GNG7: variants seen among roughly 807,000 people sequenced by gnomAD.
GNG7 encodes G protein subunit gamma 7.
A neutral mutation model predicts 4.0 loss-of-function variants in GNG7; 1 was observed. That is an observed-to-expected ratio of 0.25 (90% CI 0.09 to 1.18). The LOEUF (loss-of-function observed/expected upper bound fraction) is 1.18, where lower values mean the gene tolerates loss of function less well. Among genes scored for constraint, GNG7 ranks in the 50% most tolerant of loss-of-function variants. The probability of loss-of-function intolerance (pLI) is 0.50; values close to 1 mark genes in which losing one functional copy is unlikely to be tolerated. For synonymous variants in GNG7, 34 were observed against 36.9 expected, an observed-to-expected ratio of 0.92 and a Z score of 0.29; for missense variants, 86 against 91.9, an observed-to-expected ratio of 0.94 and a Z score of 0.26.
intron 1 of GNG7, among the ~76,000 whole-genome samples, chr19:2,682,161 G>A (rs1377088554): frequency 1.3e-5 from 2 of 151,160 alleles, no homozygotes; most frequent in Admixed American, 6.6e-5. Flanking sequence ...CACCCACCTT[G>A]GCCTCCCAAA....
rs1040763426 is a variant in GNG7 at position 2,653,686 on chromosome 19, G to T, written c.-134-7406C>A. On this transcript the variant is annotated intron_variant, in intron 1 of 4. Coordinates refer to ENST00000382159, the MANE Select transcript of GNG7 (RefSeq NM_052847.3). This position sits in a 1 kb window ranked among gnomAD's most constrained non-coding sequence, Gnocchi z 4.8. ...CCTGGCCTCCACCCACCCCATGCCA[G>T]GGGCATCCCCCATCTAGAGCTGTTC... 6.6e-5 allele frequency among the ~76,000 whole-genome samples: 10 copies of T among 152,176 alleles called. No individual in the cohort carries two copies. Among genetic ancestry groups the T allele is most frequent in the African/African-American group, 2.4e-4 (10 of 41,450 alleles).
intron 1 of GNG7, among the ~76,000 whole-genome samples, chr19:2,668,546 G>C (rs1040062450): frequency 6.6e-6 from 1 of 152,130 alleles, no homozygotes; most frequent in Non-Finnish European, 1.5e-5. Context: ...GGGAGCCCCC[G>C]GAACACCCGA....
At chr19:2,680,961 GGT>G (rs1491361387) in intron 1 of GNG7, among the ~76,000 whole-genome samples, 3 of 151,820 alleles carry the variant, frequency 2.0e-5, no homozygotes, top group African/African-American at 4.8e-5. Context: ...TTGTTGTTCT[GGT>G]TTTTTAATTC....
chr19:2,540,387 G>A (rs1371612055), intron 3 of GNG7, among the ~76,000 whole-genome samples: 1 of 151,970 alleles, frequency 6.6e-6, no homozygotes, highest in Non-Finnish European at 1.5e-5. Flanking sequence ...CCTGGCCTCC[G>A]GTGATCCTCC....
chr19:2,696,367 A>AGAAAG (rs1251172643), intron 1 of GNG7, among the ~76,000 whole-genome samples: 4 of 151,694 alleles, frequency 2.6e-5, no homozygotes, highest in African/African-American at 7.3e-5. Context: ...AAAGAAAGAA[A>AGAAAG]GAAAGGAAAG....
chr19:2,662,170 G>C (rs1296682681), intron 1 of GNG7, among the ~76,000 whole-genome samples: 1 of 147,844 alleles, frequency 6.8e-6, no homozygotes, highest in Non-Finnish European at 1.5e-5. Flanking sequence ...TGAGGCAGGA[G>C]AATCACTTGA....
chr19:2,602,849 G>A (rs1248748501), intron 2 of GNG7, among the ~76,000 whole-genome samples: 2 of 152,030 alleles, frequency 1.3e-5, no homozygotes, highest in Non-Finnish European at 2.9e-5. Context: ...GCTCTGCAAG[G>A]AAAGATGCGC....
At chr19:2,562,370 G>C (rs555452145) in intron 2 of GNG7, among the ~76,000 whole-genome samples, 1 of 151,016 alleles carries the variant, frequency 6.6e-6, no homozygotes, top group African/African-American at 2.4e-5. Flanking sequence ...TGCAACCTCC[G>C]CCTCCCAGGT....
rs748111375 is a variant in GNG7, at chr19:2,511,974, C to T, written c.*3048G>A. On this transcript the variant is annotated 3_prime_UTR_variant, in exon 5 of 5. Transcript: ENST00000382159. The surrounding 1 kb of genome is among the most constrained non-coding windows in gnomAD (Gnocchi z 6.3). ...GGGTCGGGGCCTGGCCCGCTGTGGCCCTTCACCTGGCTACTGGTGTCTCGC... is the reference window on the plus strand; with the variant it reads ...GGGTCGGGGCCTGGCCCGCTGTGGCTCTTCACCTGGCTACTGGTGTCTCGC... 4.1e-6 allele frequency: 4 copies of T among 985,748 alleles called. No individual in the cohort carries two copies. The highest frequency in any genetic ancestry group is 4.8e-6 in the Non-Finnish European group (4 of 829,966). 61.1% of individuals were successfully genotyped at this position (985,748 alleles called of 1,614,324 possible). A position where few individuals can be genotyped will look rare whatever the true frequency, so the allele number is the denominator to read the frequency against.
At chr19:2,681,179 A>G (rs1182822027) in intron 1 of GNG7, among the ~76,000 whole-genome samples, 1 of 150,106 alleles carries the variant, frequency 6.7e-6, no homozygotes, top group Non-Finnish European at 1.5e-5. Flanking sequence ...GTAGCAACCA[A>G]CTTTTTTTAT....
chr19:2,530,026 T>C (rs1389165870), intron 3 of GNG7, among the ~76,000 whole-genome samples: 1 of 152,200 alleles, frequency 6.6e-6, no homozygotes, highest in African/African-American at 2.4e-5. Flanking sequence ...GACTTGGACT[T>C]TGGGTTAAAA....
intron 1 of GNG7, among the ~76,000 whole-genome samples, chr19:2,666,070 T>C (rs1205630920): frequency 6.6e-6 from 1 of 152,106 alleles, no homozygotes; most frequent in Non-Finnish European, 1.5e-5. Context: ...TTCACCATGT[T>C]GGTCAGGCTG....
At chr19:2,632,312 C>T (rs1982179503) in intron 2 of GNG7, among the ~76,000 whole-genome samples, 1 of 151,804 alleles carries the variant, frequency 6.6e-6, no homozygotes. Flanking sequence ...ACCTGTAATC[C>T]CAGCTACTTG....
chr19:2,656,779 G>C (rs983465092), intron 1 of GNG7, among the ~76,000 whole-genome samples: 10 of 152,198 alleles, frequency 6.6e-5, no homozygotes, highest in African/African-American at 2.4e-4. Flanking sequence ...GGCCTCGACA[G>C]AGAGCACATG....
chr19:2,663,834 A>G (rs1983237974), intron 1 of GNG7, among the ~76,000 whole-genome samples: 1 of 152,164 alleles, frequency 6.6e-6, no homozygotes, highest in Non-Finnish European at 1.5e-5. Context: ...ACGTGGCTTG[A>G]TCTTGACACT....
At chr19:2,627,147 T>C (rs1982041601) in intron 2 of GNG7, among the ~76,000 whole-genome samples, 1 of 152,152 alleles carries the variant, frequency 6.6e-6, no homozygotes, top group Admixed American at 6.5e-5. Context: ...TCTTGGGGTC[T>C]GTGGAATCTT....
intron 2 of GNG7, among the ~76,000 whole-genome samples, chr19:2,572,971 C>T (rs2144782711): frequency 6.6e-6 from 1 of 151,660 alleles, no homozygotes; most frequent in East Asian, 1.9e-4. Context: ...CCTCCAACCA[C>T]ACATCCATGC....
chr19:2,588,481 C>G (rs1285299285), intron 2 of GNG7, among the ~76,000 whole-genome samples: 1 of 152,192 alleles, frequency 6.6e-6, no homozygotes, highest in Non-Finnish European at 1.5e-5. Flanking sequence ...CGCACAGGGC[C>G]GGGCAGGGCG....
chr19:2,513,412 A>G lies in GNG7; in HGVS notation c.*1610T>C. On this transcript the variant is annotated 3_prime_UTR_variant, in exon 5 of 5. Transcript: ENST00000382159. ...CTGCGATCAGGGCTGCGTGGGGTCCATCTCAGGTGTGGCCGCAGGTGATGC... is the reference window on the plus strand; with the variant it reads ...CTGCGATCAGGGCTGCGTGGGGTCCGTCTCAGGTGTGGCCGCAGGTGATGC... The G allele has an allele frequency of 1.3e-6, 1 of 760,692 alleles. No homozygotes were observed. Among genetic ancestry groups the G allele is most frequent in the Non-Finnish European group, 1.6e-6 (1 of 624,904 alleles). The allele number at this position is 760,692 out of a possible 1,614,324, so 47.1% of individuals were successfully genotyped here.
Sources: gnomAD v4.1 joint callset for allele counts (sites outside exome capture counted in the v4.1 genomes callset) on GRCh38, gnomAD v4.1.1 for gene constraint, Gnocchi (gnomAD v3.1) non-coding constraint, MANE v1.5 for transcripts, NCBI Gene and HGNC (gene_info 2026-07-23, HGNC 2026-07-21) for gene names.